The following RBFOX1 variants were observed in gnomAD, a reference collection of about 807,000 sequenced individuals.
The protein encoded by RBFOX1 is RNA binding protein fox-1 homolog 1.
RBFOX1 carries 8 observed loss-of-function variants against 57.7 expected under a neutral mutation model. The ratio of observed to expected loss-of-function variants is 0.14; its 90% CI spans 0.08 to 0.25. RBFOX1 has a LOEUF of 0.25. RBFOX1 is among the 10% of genes least tolerant of loss of function. RBFOX1 has a pLI of 1.00. For missense variants in RBFOX1, 611 were observed against 548.5 expected, an observed-to-expected ratio of 1.11 and a Z score of -1.14; for synonymous variants, 326 against 222.4, an observed-to-expected ratio of 1.47 and a Z score of -4.15.
intron 1 of RBFOX1, among the ~76,000 whole-genome samples, chr16:6,110,586 A>G (rs1484223064): frequency 2.0e-5 from 3 of 152,196 alleles, no homozygotes; most frequent in Non-Finnish European, 1.5e-5. Context: ...TGGATCCATG[A>G]GAATGTGAAA....
chr16:5,281,819 C>T (rs1259147320), intron 1 of RBFOX1, among the ~76,000 whole-genome samples: 3 of 152,156 alleles, frequency 2.0e-5, no homozygotes, highest in Admixed American at 6.6e-5. Context: ...TGTGTCTTTA[C>T]AAGTGAAGTG....
At chr16:6,090,238 C>G (rs1448478045) in intron 1 of RBFOX1, 13 of 152,134 alleles carry the variant, frequency 8.5e-5, no homozygotes, top group African/African-American at 3.1e-4. Flanking sequence ...CAGAGATAAT[C>G]CAGAATAGTC....
chr16:7,254,428 T>G (rs2094597840), intron 4 of RBFOX1, among the ~76,000 whole-genome samples: 1 of 152,260 alleles, frequency 6.6e-6, no homozygotes, highest in Non-Finnish European at 1.5e-5. Flanking sequence ...TGCCAAGATA[T>G]CACTGGCCTG....
chr16:6,677,128 T>C (rs1304570506), intron 3 of RBFOX1, among the ~76,000 whole-genome samples: 6 of 152,246 alleles, frequency 3.9e-5, no homozygotes, highest in Non-Finnish European at 7.3e-5. Context: ...AGTAGATAGA[T>C]ACTTTTTTTC....
intron 2 of RBFOX1, among the ~76,000 whole-genome samples, chr16:6,553,520 T>A (rs2097031711): frequency 1.3e-5 from 2 of 152,200 alleles, no homozygotes; most frequent in African/African-American, 4.8e-5. Flanking sequence ...TACATGCACC[T>A]CAAACCTACC....
intron 3 of RBFOX1, among the ~76,000 whole-genome samples, chr16:5,782,239 C>G (rs1238736323): frequency 1.3e-5 from 2 of 152,198 alleles, no homozygotes; most frequent in Non-Finnish European, 2.9e-5. Flanking sequence ...GTTCTAGAGG[C>G]TGGGAAGTCC....
chr16:7,258,517 G>A (rs1187870805), intron 4 of RBFOX1, among the ~76,000 whole-genome samples: 4 of 152,050 alleles, frequency 2.6e-5, no homozygotes, highest in African/African-American at 7.2e-5. Context: ...AGTAGATTAT[G>A]AAATATTGTT....
intron 1 of RBFOX1, among the ~76,000 whole-genome samples, chr16:5,450,024 T>C (rs1056030777): frequency 6.6e-6 from 1 of 152,192 alleles, no homozygotes; most frequent in African/African-American, 2.4e-5. Context: ...TGAGATCTAT[T>C]TGCAAGGTAC....
chr16:6,924,238 G>T (rs1481955626), intron 3 of RBFOX1, among the ~76,000 whole-genome samples: 2 of 151,894 alleles, frequency 1.3e-5, no homozygotes, highest in Non-Finnish European at 2.9e-5. Flanking sequence ...AAGAAAAGAG[G>T]TTTATTTGAC....
Position 7,518,131 on chromosome 16 carries a change from C to T in RBFOX1, c.28-16C>T. Reference sequence around the variant, plus strand: ...CATGACGTTCTCTCCCTCTCTGCACCTTTTTGATTTTTCAGGGTAATCAGG... The same window carrying T: ...CATGACGTTCTCTCCCTCTCTGCACTTTTTTGATTTTTCAGGGTAATCAGG... On this transcript the variant is annotated splice_polypyrimidine_tract_variant and intron_variant, in intron 4 of 15. Coordinates refer to ENST00000550418, the MANE Select transcript of RBFOX1 (RefSeq NM_018723.4). 1 of 1,604,688 alleles carries T rather than the reference C, an allele frequency of 6.2e-7. No individual in the cohort carries two copies. The highest frequency in any genetic ancestry group is 8.5e-7 in the Non-Finnish European group (1 of 1,175,064).
intron 4 of RBFOX1, among the ~76,000 whole-genome samples, chr16:7,498,478 T>G (rs1286738713): frequency 6.6e-6 from 1 of 152,110 alleles, no homozygotes; most frequent in Non-Finnish European, 1.5e-5. Flanking sequence ...GTAGCCATAT[T>G]AAGGCAAAAC....
rs1360554299 is a variant in RBFOX1, at chr16:6,872,762, AAAAAT to A, written c.-15-179287_-15-179283del. On this transcript the variant is annotated intron_variant, in intron 3 of 15. Transcript: ENST00000550418. ...TGTCCTTCAGGAGTTAAAAGTGCAAAAAAATAAAATAACTGAGATAAGAGTTGAAT... is the reference window on the plus strand; with the variant it reads ...TGTCCTTCAGGAGTTAAAAGTGCAAAAAAATAACTGAGATAAGAGTTGAAT... Among the ~76,000 whole-genome samples the A allele has an allele frequency of 3.3e-5, 5 of 152,284 alleles. No homozygotes were observed. In the East Asian group the frequency reaches 7.7e-4, roughly 23 times the overall value.
At chr16:7,525,585 C>G (rs916806548) in intron 5 of RBFOX1, among the ~76,000 whole-genome samples, 1 of 152,184 alleles carries the variant, frequency 6.6e-6, no homozygotes, top group African/African-American at 2.4e-5. Context: ...ACCCAATGTG[C>G]TAGCCAACTC....
rs534071287 is a variant in RBFOX1 at position 6,736,088 on chromosome 16, C to G, written c.-16+81438C>G. ...TATCCAGTATTACACAATTTTTGTT[C>G]AAATTATTTTAGCCATCCAAGGAGA... On this transcript the variant is annotated intron_variant, in intron 3 of 15. Transcript: ENST00000550418. Among the ~76,000 whole-genome samples, 24 of 130,228 alleles carry G rather than the reference C, an allele frequency of 1.8e-4. No individual in the cohort carries two copies. The South Asian group carries it at 2.8e-3, about 15-fold the overall frequency. 85.4% of individuals were successfully genotyped at this position (130,228 alleles called of 152,430 possible). A position where few individuals can be genotyped will look rare whatever the true frequency, so the allele number is the denominator to read the frequency against.
intron 5 of RBFOX1, among the ~76,000 whole-genome samples, chr16:7,574,713 C>G (rs1322920579): frequency 2.0e-5 from 3 of 152,242 alleles, no homozygotes; most frequent in East Asian, 1.9e-4. Context: ...GAATGTTTAT[C>G]TCCTTTGGCA....
chr16:7,030,807 G>A (rs1357901590), intron 3 of RBFOX1, among the ~76,000 whole-genome samples: 1 of 152,078 alleles, frequency 6.6e-6, no homozygotes, highest in Non-Finnish European at 1.5e-5. Flanking sequence ...TAAGAGGCAG[G>A]TCCAGGACTT....
intron 1 of RBFOX1, among the ~76,000 whole-genome samples, chr16:6,211,613 A>G (rs1192001974): frequency 6.6e-6 from 1 of 152,124 alleles, no homozygotes; most frequent in African/African-American, 2.4e-5. Flanking sequence ...AGCTTCAGCA[A>G]TATGTCAGGT....
At chr16:6,113,143 T>G (rs1341165835) in intron 1 of RBFOX1, among the ~76,000 whole-genome samples, 2 of 152,212 alleles carry the variant, frequency 1.3e-5, no homozygotes, top group African/African-American at 4.8e-5. Flanking sequence ...GACTCCAAGA[T>G]GCAAGTTGAG....
intron 14 of RBFOX1, among the ~76,000 whole-genome samples, chr16:7,690,506 G>C (rs2077084991): frequency 6.6e-6 from 1 of 152,082 alleles, no homozygotes; most frequent in Non-Finnish European, 1.5e-5. Context: ...GAACAGACCA[G>C]TTTGTGGAAA....
Sources: allele counts gnomAD v4.1 joint callset (sites outside exome capture counted in the v4.1 genomes callset), GRCh38; gene constraint gnomAD v4.1.1; transcripts MANE v1.5; gene names NCBI Gene and HGNC (gene_info 2026-07-23, HGNC 2026-07-21).